ENKUR: variants seen among roughly 807,000 people sequenced by gnomAD.
The protein encoded by ENKUR is enkurin.
Under a neutral mutation model 27.6 loss-of-function variants are expected in ENKUR, and 19 were observed. That is an observed-to-expected ratio of 0.69 (90% CI 0.48 to 1.01). The LOEUF (loss-of-function observed/expected upper bound fraction) is 1.01, where lower values mean the gene tolerates loss of function less well. Ranked by LOEUF, ENKUR falls within the 50% of genes least tolerant of loss-of-function variation. The probability of loss-of-function intolerance (pLI) is 0.00; values close to 1 mark genes in which losing one functional copy is unlikely to be tolerated. For synonymous variants in ENKUR, 117 were observed against 96.9 expected, an observed-to-expected ratio of 1.21 and a Z score of -1.22; for missense variants, 312 against 310.5, an observed-to-expected ratio of 1.00 and a Z score of -0.04.
intron 2 of ENKUR, chr10:25,024,873 T>G: frequency 1.9e-6 from 3 of 1,613,984 alleles, no homozygotes; most frequent in Non-Finnish European, 2.5e-6. Context: ...GACATTATGA[T>G]CTAAGGGAAA....
intron 1 of ENKUR, among the ~76,000 whole-genome samples, chr10:25,004,424 A>C (rs536166170): frequency 9.6e-4 from 146 of 151,858 alleles, no homozygotes; most frequent in African/African-American, 3.4e-3. Context: ...TTTCTCCACA[A>C]CCTCACCAGT....
intron 2 of ENKUR, chr10:25,025,371 G>A (rs771813590): frequency 1.2e-6 from 2 of 1,614,244 alleles, no homozygotes; most frequent in South Asian, 2.2e-5. Flanking sequence ...AACAGCAAGA[G>A]AAGATGGAGT....
chr10:25,024,881 A>C lies in ENKUR; in HGVS notation c.38-29012T>G, dbSNP rs1040148343. ...AAAACAGGACATTATGATCTAAGGG[A>C]AAGAAAACTAGCACAAACCTTTTCA... On this transcript the variant is annotated intron_variant, in intron 2 of 5. Coordinates refer to the ENKUR transcript ENST00000615958. The C allele has an allele frequency of 4.3e-6, 7 of 1,614,036 alleles. No homozygotes were observed. Among genetic ancestry groups the C allele is most frequent in the Non-Finnish European group, 5.9e-6 (7 of 1,180,030 alleles).
intron 4 of ENKUR, among the ~76,000 whole-genome samples, chr10:24,986,886 T>C (rs1363174845): frequency 6.6e-6 from 1 of 152,252 alleles, no homozygotes; most frequent in African/African-American, 2.4e-5. Context: ...TTGTTAATTC[T>C]TAATTTTCCT....
At chr10:25,034,393 G>A (rs775939506) in intron 2 of ENKUR, among the ~76,000 whole-genome samples, 28 of 152,162 alleles carry the variant, frequency 1.8e-4, no homozygotes, top group Non-Finnish European at 3.4e-4. Context: ...TAGTTTTCTA[G>A]TCTAACAAAA....
At chr10:25,001,536 G>T (rs368803588) in intron 1 of ENKUR, among the ~76,000 whole-genome samples, 2 of 152,032 alleles carry the variant, frequency 1.3e-5, no homozygotes, top group East Asian at 3.9e-4. Flanking sequence ...AAGCCTCATT[G>T]ATTCTCTGCT....
chr10:24,998,039 G>T (rs1310089877), intron 2 of ENKUR, among the ~76,000 whole-genome samples: 2 of 152,134 alleles, frequency 1.3e-5, no homozygotes, highest in Non-Finnish European at 2.9e-5. Context: ...AAGCATGAAT[G>T]TTGTATTTCC....
At chr10:25,034,173 TTG>T (rs1206725469) in intron 2 of ENKUR, among the ~76,000 whole-genome samples, 4 of 152,180 alleles carry the variant, frequency 2.6e-5, no homozygotes, top group South Asian at 2.1e-4. Context: ...ATTTGTAATT[TTG>T]TGTTACAGAT....
chr10:25,004,093 A>G (rs1178463434), intron 1 of ENKUR, among the ~76,000 whole-genome samples: 1 of 152,226 alleles, frequency 6.6e-6, no homozygotes, highest in East Asian at 1.9e-4. Flanking sequence ...ATGTCCCTGC[A>G]AAGAATACGA....
intron 4 of ENKUR, among the ~76,000 whole-genome samples, chr10:24,988,215 CT>C (rs902344552): frequency 1.5e-4 from 22 of 143,178 alleles, no homozygotes; most frequent in African/African-American, 5.2e-4. Flanking sequence ...CAGAGCAAGA[CT>C]TCATCTCAAA....
intron 2 of ENKUR, among the ~76,000 whole-genome samples, chr10:25,033,692 G>A (rs1221490740): frequency 6.6e-6 from 1 of 151,928 alleles, no homozygotes; most frequent in African/African-American, 2.4e-5. Context: ...AACCATGTAT[G>A]TTTGGTTTTT....
At chr10:25,015,733 C>A in intron 1 of ENKUR, 127 bp downstream of exon 1, 1 of 848,894 alleles carries the variant, frequency 1.2e-6, no homozygotes, top group Non-Finnish European at 1.6e-6. Flanking sequence ...AGTTATCCTC[C>A]AAGGCTACTT....
chr10:25,042,288 AGT>A (rs1219207917), intron 2 of ENKUR, among the ~76,000 whole-genome samples: 1 of 135,854 alleles, frequency 7.4e-6, no homozygotes, highest in Admixed American at 7.8e-5. Context: ...TTTGAGTCAG[AGT>A]CTCAAAAAAA....
At chr10:25,050,441 T>C (rs531653177) in intron 2 of ENKUR, among the ~76,000 whole-genome samples, 2 of 152,130 alleles carry the variant, frequency 1.3e-5, no homozygotes, top group Non-Finnish European at 2.9e-5. Flanking sequence ...ACGTCTTGCA[T>C]GGTGGCAGGC....
chr10:25,010,773 C>T (rs1387162414), intron 1 of ENKUR, among the ~76,000 whole-genome samples: 8 of 142,918 alleles, frequency 5.6e-5, no homozygotes, highest in Admixed American at 1.5e-4. Flanking sequence ...AGGACATGAA[C>T]TCATCATTTT....
At chr10:25,015,266 C>A (rs1044228581) in intron 1 of ENKUR, among the ~76,000 whole-genome samples, 1 of 152,124 alleles carries the variant, frequency 6.6e-6, no homozygotes, top group Non-Finnish European at 1.5e-5. Flanking sequence ...TTTTTTGGTT[C>A]ATTATCTATC....
chr10:25,030,825 A>G (rs572702604), intron 2 of ENKUR, among the ~76,000 whole-genome samples: 1 of 152,286 alleles, frequency 6.6e-6, no homozygotes, highest in East Asian at 1.9e-4. Context: ...ATTGATTCTA[A>G]AGATAGTGCT....
chr10:25,054,977 G>T (rs1458227121), intron 2 of ENKUR, among the ~76,000 whole-genome samples: 1 of 152,120 alleles, frequency 6.6e-6, no homozygotes, highest in Non-Finnish European at 1.5e-5. Flanking sequence ...ACCTGGCTGG[G>T]TTATTCTTTT....
intron 4 of ENKUR, among the ~76,000 whole-genome samples, chr10:24,989,014 G>A (rs977689555): frequency 6.6e-6 from 1 of 151,916 alleles, no homozygotes; most frequent in African/African-American, 2.4e-5. Flanking sequence ...ACTCTGTAGC[G>A]ACCGTAATGG....
Sources: gnomAD v4.1 joint callset for allele counts (sites outside exome capture counted in the v4.1 genomes callset) on GRCh38, gnomAD v4.1.1 for gene constraint, MANE v1.5 for transcripts, NCBI Gene and HGNC (gene_info 2026-07-23, HGNC 2026-07-21) for gene names.